The following INSL6 variants were observed in gnomAD, a reference collection of about 807,000 sequenced individuals.
INSL6 encodes insulin-like peptide INSL6.
A neutral mutation model predicts 9.4 loss-of-function variants in INSL6; 16 were observed. That is an observed-to-expected ratio of 1.70 (90% CI 1.15 to 2.59). The LOEUF (loss-of-function observed/expected upper bound fraction) is 2.59, where lower values mean the gene tolerates loss of function less well. Among genes scored for constraint, INSL6 ranks in the 30% most tolerant of loss-of-function variants. INSL6 has a pLI of 0.00. For synonymous variants in INSL6, 154 were observed against 96.9 expected (o/e 1.59, Z -3.46); for missense variants, 391 against 257.3 (o/e 1.52, Z -3.56).
chr9:5,057,619 G>A, the INSL6 span, among the ~76,000 whole-genome samples: 513 of 123,140 alleles, frequency 4.2e-3, 2 homozygotes, highest in Non-Finnish European at 6.6e-3. Flanking sequence ...GTCTTGCCCT[G>A]TCATCCAGGC....
At chr9:5,180,925 C>T (rs1586881465) in intron 1 of INSL6, among the ~76,000 whole-genome samples, 1 of 152,254 alleles carries the variant, frequency 6.6e-6, no homozygotes, top group African/African-American at 2.4e-5. Flanking sequence ...TGTTCTTACA[C>T]CCCCTCCCCT....
the INSL6 span, chr9:5,112,775 G>A: frequency 2.5e-5 from 15 of 598,356 alleles, no homozygotes; most frequent in South Asian, 1.9e-4. Flanking sequence ...GCGCGTGTTC[G>A]GAGGCCCCCA....
intron 1 of INSL6, among the ~76,000 whole-genome samples, chr9:5,183,651 T>A (rs565120330): frequency 2.6e-5 from 4 of 152,226 alleles, no homozygotes; most frequent in Admixed American, 6.5e-5. Flanking sequence ...GACTACAGTA[T>A]TATAGCATAG....
the INSL6 span, among the ~76,000 whole-genome samples, chr9:5,034,495 A>T: frequency 6.6e-6 from 1 of 151,954 alleles, no homozygotes; most frequent in Non-Finnish European, 1.5e-5. Flanking sequence ...GAAGTAAAGC[A>T]CTCCTCAGCA....
chr9:5,055,674 A>G, the INSL6 span: 1 of 1,569,178 alleles, frequency 6.4e-7, no homozygotes, highest in Non-Finnish European at 8.7e-7. Flanking sequence ...TATAGGATTT[A>G]CAGTTATATT....
chr9:5,023,524 G>C, the INSL6 span, among the ~76,000 whole-genome samples: 2 of 152,174 alleles, frequency 1.3e-5, no homozygotes, highest in African/African-American at 4.8e-5. Context: ...TGAATTTTTT[G>C]TCCTGCAAGG....
At chr9:5,067,656 AT>A in the INSL6 span, among the ~76,000 whole-genome samples, 1 of 151,484 alleles carries the variant, frequency 6.6e-6, no homozygotes, top group Admixed American at 6.6e-5. Flanking sequence ...ATTCAAAAAA[AT>A]ATATATATAT....
At chr9:4,997,369 C>T in the INSL6 span, among the ~76,000 whole-genome samples, 1 of 152,150 alleles carries the variant, frequency 6.6e-6, no homozygotes, top group African/African-American at 2.4e-5. Flanking sequence ...GGGGAGTCCT[C>T]CGGGAGCTTT....
the INSL6 span, among the ~76,000 whole-genome samples, chr9:5,003,659 A>G: frequency 6.6e-6 from 1 of 151,990 alleles, no homozygotes; most frequent in African/African-American, 2.4e-5. Flanking sequence ...AATACTGACA[A>G]TTTTACTTAT....
chr9:5,043,528 A>T, the INSL6 span, among the ~76,000 whole-genome samples: 42 of 152,330 alleles, frequency 2.8e-4, no homozygotes, highest in African/African-American at 9.9e-4. Context: ...CTACTTTGGA[A>T]AACAGTTTGG....
chr9:5,139,952 A>T (rs1408542575), intron 2 of INSL6, among the ~76,000 whole-genome samples: 1 of 152,164 alleles, frequency 6.6e-6, no homozygotes, highest in East Asian at 1.9e-4. Context: ...TTTTCAAGGG[A>T]TTGTTAGTTG....
the INSL6 span, among the ~76,000 whole-genome samples, chr9:4,996,220 A>G: frequency 6.6e-6 from 1 of 152,176 alleles, no homozygotes; most frequent in Non-Finnish European, 1.5e-5. Flanking sequence ...AAGTAGAAGT[A>G]TATGGATCAC....
chr9:5,128,504 A>C (rs140982990), intron 3 of INSL6, among the ~76,000 whole-genome samples: 1,690 of 151,996 alleles, frequency 0.011, 31 homozygotes, highest in African/African-American at 0.038. Context: ...GCTTGATTTC[A>C]GATTTTCATA....
intron 3 of INSL6, chr9:5,128,062 A>G (rs1564031296): frequency 8.8e-6 from 2 of 228,304 alleles, no homozygotes; most frequent in Non-Finnish European, 1.7e-5. Context: ...CCATAGCTAA[A>G]ATAAAATATG....
the INSL6 span, chr9:5,069,951 A>T: frequency 6.2e-7 from 1 of 1,604,618 alleles, no homozygotes. Context: ...AGTCTTCAGA[A>T]CGAATGGTGT....
At chr9:5,002,714 T>C in the INSL6 span, among the ~76,000 whole-genome samples, 2 of 151,974 alleles carry the variant, frequency 1.3e-5, no homozygotes, top group Non-Finnish European at 2.9e-5. Flanking sequence ...TCCTGAGAAA[T>C]GAGTATTGAA....
chr9:5,111,112 T>C, the INSL6 span: 1 of 1,216,950 alleles, frequency 8.2e-7, no homozygotes. Context: ...GAACAGCTCC[T>C]CCTTTGACCC....
At chr9:5,173,009 G>GA (rs1355045262) in intron 1 of INSL6, among the ~76,000 whole-genome samples, 3 of 151,310 alleles carry the variant, frequency 2.0e-5, no homozygotes, top group Non-Finnish European at 2.9e-5. Flanking sequence ...ACAGACATTT[G>GA]AAAAAAAAGC....
At chr9:5,123,890 T>C (rs1262528833) in exon 4 of INSL6, among the ~76,000 whole-genome samples, 1 of 146,316 alleles carries the variant, frequency 6.8e-6, no homozygotes, top group Non-Finnish European at 1.5e-5. Context: ...TTTTTTCTCT[T>C]TTTTTTTTTT....
Sources: allele counts gnomAD v4.1 joint callset (sites outside exome capture counted in the v4.1 genomes callset), GRCh38; gene constraint gnomAD v4.1.1; transcripts MANE v1.5; gene names NCBI Gene and HGNC (gene_info 2026-07-23, HGNC 2026-07-21).